The following MAML2 variants were observed in gnomAD, a reference collection of about 807,000 sequenced individuals.
The protein encoded by MAML2 is mastermind like transcriptional coactivator 2.
MAML2 carries 22 observed loss-of-function variants against 96.1 expected under a neutral mutation model. That is an observed-to-expected ratio of 0.23 (90% CI 0.16 to 0.33). MAML2 has a LOEUF of 0.33. Ranked by LOEUF, MAML2 falls within the 10% of genes least tolerant of loss-of-function variation. The pLI, the probability that MAML2 is intolerant of heterozygous loss-of-function variation, is 1.00. For missense variants in MAML2, 1,367 were observed against 1,392.4 expected, an observed-to-expected ratio of 0.98 and a Z score of 0.29; for synonymous variants, 561 against 521.3, an observed-to-expected ratio of 1.08 and a Z score of -1.04.
At chr11:96,296,201 T>A (rs2135994920) in intron 1 of MAML2, among the ~76,000 whole-genome samples, 1 of 152,244 alleles carries the variant, frequency 6.6e-6, no homozygotes, top group South Asian at 2.1e-4. Flanking sequence ...ATACTCAGCT[T>A]ATTTCTTTTT....
At chr11:96,052,247 A>G (rs1054238395) in intron 2 of MAML2, among the ~76,000 whole-genome samples, 7 of 152,190 alleles carry the variant, frequency 4.6e-5, no homozygotes, top group African/African-American at 1.4e-4. Flanking sequence ...AGGGAGCCAT[A>G]TTAATCAATA....
At chr11:96,169,396 T>C (rs1000377598) in intron 1 of MAML2, among the ~76,000 whole-genome samples, 1 of 152,176 alleles carries the variant, frequency 6.6e-6, no homozygotes, top group African/African-American at 2.4e-5. Flanking sequence ...TCTAGCACTT[T>C]CTCCAAATGC....
intron 2 of MAML2, among the ~76,000 whole-genome samples, chr11:96,089,919 A>C (rs1591005531): frequency 2.4e-5 from 1 of 42,024 alleles, no homozygotes; most frequent in Non-Finnish European, 6.0e-5. Flanking sequence ...GAATGTAAAA[A>C]ATTATCTAAG....
chr11:96,092,536 C>G lies in MAML2; in HGVS notation c.1495G>C (p.Gly499Arg). 6.3e-7 allele frequency: 1 copy of G among 1,598,186 alleles called. No individual in the cohort carries two copies. Among genetic ancestry groups the G allele is most frequent in the Non-Finnish European group, 8.5e-7 (1 of 1,170,094 alleles). ...GACTGGCCGCTGCCGCCAGCTACCC[C>G]AGGCATGGGGGAGCTCTGTGGGCTG... ...TFSPQSSPMP[G>R]VAGGSGQSKV... The change falls in exon 2 of 5, where the codon GGG becomes CGG. Residue 499 changes from glycine to arginine, a missense_variant. By Grantham distance (125) the Gly-to-Arg change is moderately radical. Transcript: ENST00000524717. This position sits in a 1 kb window ranked among gnomAD's most constrained non-coding sequence, Gnocchi z 4.1.
At chr11:96,052,423 A>T (rs1203500978) in intron 2 of MAML2, among the ~76,000 whole-genome samples, 34 of 152,218 alleles carry the variant, frequency 2.2e-4, no homozygotes, top group Non-Finnish European at 1.5e-5. Flanking sequence ...AATGCTTATC[A>T]AGCTAAGTTC....
At chr11:96,328,346 G>GA in intron 1 of MAML2, among the ~76,000 whole-genome samples, 1 of 151,982 alleles carries the variant, frequency 6.6e-6, no homozygotes. Context: ...AGAGGTAACT[G>GA]AAAAAAATGT....
At chr11:95,980,018 A>G in intron 4 of MAML2, 55 bp from the exon 5 acceptor site, 4 of 1,380,306 alleles carry the variant, frequency 2.9e-6, no homozygotes, top group South Asian at 1.4e-5. Context: ...TCTCCTCTGT[A>G]ACTGCACTTT....
At chr11:96,176,113 A>C (rs997545777) in intron 1 of MAML2, among the ~76,000 whole-genome samples, 1 of 152,140 alleles carries the variant, frequency 6.6e-6, no homozygotes, top group African/African-American at 2.4e-5. Flanking sequence ...AATTTTACTC[A>C]AGAAGATGCG....
intron 1 of MAML2, among the ~76,000 whole-genome samples, chr11:96,313,807 G>A (rs1002644031): frequency 2.0e-5 from 3 of 152,114 alleles, no homozygotes; most frequent in Middle Eastern, 3.2e-3. Flanking sequence ...CCTCATGAAG[G>A]TCCTCATACT....
At chr11:96,090,345 A>G (rs1310151620) in intron 2 of MAML2, among the ~76,000 whole-genome samples, 1 of 152,190 alleles carries the variant, frequency 6.6e-6, no homozygotes, top group African/African-American at 2.4e-5. Context: ...TCATTATAGT[A>G]ATCAACTTAT....
Position 96,091,145 on chromosome 11 carries a change from G to A in MAML2, c.2139+747C>T, listed in dbSNP as rs149619002. On this transcript the variant is annotated intron_variant, in intron 2 of 4. Coordinates refer to ENST00000524717, the MANE Select transcript of MAML2 (RefSeq NM_032427.4). ...CTCTGTTTTATGTTAACCAAACGAT[G>A]TAAGGTTACCAGAGATTTTTTTTAT... Among the ~76,000 whole-genome samples, 1,378 of 152,304 alleles carry A rather than the reference G, an allele frequency of 9.0e-3. 16 individuals carry two copies. Among genetic ancestry groups the A allele is most frequent in the African/African-American group, 0.031 (1,290 of 41,556 alleles).
intron 1 of MAML2, among the ~76,000 whole-genome samples, chr11:96,332,652 A>T (rs1335626536): frequency 6.6e-6 from 1 of 152,216 alleles, no homozygotes; most frequent in Non-Finnish European, 1.5e-5. Flanking sequence ...ACTAGCACAT[A>T]CTTTGTGCTG....
At position 95,987,374 on chromosome 11, in the gene MAML2, G is replaced by A. The variant is rs608151; in HGVS notation, c.2344-1732C>T. On this transcript the variant is annotated intron_variant, in intron 3 of 4. Coordinates refer to ENST00000524717, the MANE Select transcript of MAML2 (RefSeq NM_032427.4). Reference sequence around the variant, plus strand: ...TGGCTGTGAGTATCATATCAGCTTTGGGAATTAAGGGCTGCTTTTTATCTT... The same window carrying A: ...TGGCTGTGAGTATCATATCAGCTTTAGGAATTAAGGGCTGCTTTTTATCTT... 2.6e-3 allele frequency among the ~76,000 whole-genome samples: 400 copies of A among 152,248 alleles called. 2 individuals carry two copies. Among genetic ancestry groups the A allele is most frequent in the African/African-American group, 9.3e-3 (386 of 41,552 alleles).
At chr11:96,035,361 C>T (rs1185116489) in intron 2 of MAML2, among the ~76,000 whole-genome samples, 1 of 152,148 alleles carries the variant, frequency 6.6e-6, no homozygotes, top group East Asian at 1.9e-4. Context: ...TTTAGGTATG[C>T]CCATTATTTT....
At chr11:95,994,383 G>A (rs61904577) in intron 2 of MAML2, among the ~76,000 whole-genome samples, 9,137 of 152,182 alleles carry the variant, frequency 0.06, 399 homozygotes, top group South Asian at 0.12. Flanking sequence ...AGACTTCACC[G>A]CCTGTGTTCT....
In MAML2 at chr11:96,092,682, T is replaced by C. The variant is rs1169320287; in HGVS notation, c.1349A>G (p.Gln450Arg). The C allele has an allele frequency of 3.1e-6, 5 of 1,614,014 alleles. No individual in the cohort carries two copies. The East Asian group carries it at 8.9e-5, about 29-fold the overall frequency. ...AANRQQHARM[Q>R]QHQQQHQPTN... ...AGGCTGGTGCTGCTGCTGGTGCTGCTGCATCCGGGCATGCTGCTGACGATT... is the reference window on the plus strand; with the variant it reads ...AGGCTGGTGCTGCTGCTGGTGCTGCCGCATCCGGGCATGCTGCTGACGATT... The change falls in exon 2 of 5, where the codon CAG (glutamine) becomes CGG (arginine). Residue 450 changes from glutamine to arginine, a missense_variant. Gln to Arg is a conservative substitution (Grantham distance 43). Transcript: ENST00000524717. This position sits in a 1 kb window ranked among gnomAD's most constrained non-coding sequence, Gnocchi z 4.1.
At chr11:95,985,781 T>A (rs988339075) in intron 3 of MAML2, 139 bp from the exon 4 acceptor site, 1 of 570,726 alleles carries the variant, frequency 1.8e-6, no homozygotes, top group African/African-American at 1.9e-5. Context: ...CCTTATTTTG[T>A]AGTCTTAATT....
chr11:96,062,296 G>A (rs540198172), intron 2 of MAML2, among the ~76,000 whole-genome samples: 3 of 152,300 alleles, frequency 2.0e-5, no homozygotes, highest in African/African-American at 7.2e-5. Flanking sequence ...TAATGCCAGT[G>A]AGATGATGTA....
intron 1 of MAML2, among the ~76,000 whole-genome samples, chr11:96,286,092 A>G (rs1281491679): frequency 6.6e-6 from 1 of 152,246 alleles, no homozygotes; most frequent in African/African-American, 2.4e-5. Context: ...CATCAATGGT[A>G]GACTGGATAA....
Sources: gnomAD v4.1 joint callset for allele counts (sites outside exome capture counted in the v4.1 genomes callset) on GRCh38, gnomAD v4.1.1 for gene constraint, Gnocchi (gnomAD v3.1) non-coding constraint, MANE v1.5 for transcripts, NCBI Gene and HGNC (gene_info 2026-07-23, HGNC 2026-07-21) for gene names.